ARHGEF10L: variants seen among roughly 807,000 people sequenced by gnomAD.
ARHGEF10L encodes rho guanine nucleotide exchange factor 10-like protein.
Under a neutral mutation model 141.2 loss-of-function variants are expected in ARHGEF10L, and 69 were observed. That is an observed-to-expected ratio of 0.49 (90% CI 0.40 to 0.60). The LOEUF (loss-of-function observed/expected upper bound fraction) is 0.60, where lower values mean the gene tolerates loss of function less well. Ranked by LOEUF, ARHGEF10L falls within the 20% of genes least tolerant of loss-of-function variation. The pLI is 0.00. For missense variants in ARHGEF10L, 1,482 were observed against 1,734.3 expected (o/e 0.85, Z 2.58); for synonymous variants, 711 against 718.5 (o/e 0.99, Z 0.17).
intron 1 of ARHGEF10L, among the ~76,000 whole-genome samples, chr1:17,570,865 G>A (rs2077967260): frequency 6.6e-6 from 1 of 152,124 alleles, no homozygotes; most frequent in Non-Finnish European, 1.5e-5. Context: ...AGACAGAGGT[G>A]TCAAGGATGA....
intron 1 of ARHGEF10L, among the ~76,000 whole-genome samples, chr1:17,562,470 CAT>C (rs2077581105): frequency 6.6e-6 from 1 of 152,094 alleles, no homozygotes; most frequent in South Asian, 2.1e-4. Context: ...ATATCCACCT[CAT>C]AGCGTTGTGA....
the ARHGEF10L span, among the ~76,000 whole-genome samples, chr1:17,515,741 C>T: frequency 1.3e-5 from 2 of 151,872 alleles, no homozygotes; most frequent in Non-Finnish European, 2.9e-5. Context: ...CTCCTGGGCT[C>T]AAGAGATCCT....
chr1:17,618,635 C>G (rs1472506636), intron 9 of ARHGEF10L: 1 of 807,122 alleles, frequency 1.2e-6, no homozygotes, highest in Non-Finnish European at 1.8e-6. Context: ...ACAGCCACCG[C>G]TGGAGTCAGA....
At chr1:17,647,679 A>G (rs2061680351) in intron 21 of ARHGEF10L, among the ~76,000 whole-genome samples, 1 of 152,118 alleles carries the variant, frequency 6.6e-6, no homozygotes. Flanking sequence ...ATGGAAATGG[A>G]CCACGGATGA....
At chr1:17,535,874 G>T (rs2100559538), upstream of ARHGEF10L, among the ~76,000 whole-genome samples, 1 of 152,292 alleles carries the variant, frequency 6.6e-6, no homozygotes, top group Middle Eastern at 3.4e-3. Flanking sequence ...AGGTGCTGGG[G>T]ATACCACCCG....
chr1:17,559,131 GC>G (rs1334682430), intron 1 of ARHGEF10L, among the ~76,000 whole-genome samples: 2 of 152,206 alleles, frequency 1.3e-5, no homozygotes, highest in Non-Finnish European at 2.9e-5. Flanking sequence ...TCTTACTTCT[GC>G]CATTTGTCAG....
At chr1:17,692,914 G>A (rs2065211821) in intron 27 of ARHGEF10L, among the ~76,000 whole-genome samples, 1 of 152,128 alleles carries the variant, frequency 6.6e-6, no homozygotes, top group South Asian at 2.1e-4. Context: ...CTGTCTCCTG[G>A]GCCTTGGCTC....
At chr1:17,597,956 G>T (rs1455246146) in intron 4 of ARHGEF10L, among the ~76,000 whole-genome samples, 2 of 152,194 alleles carry the variant, frequency 1.3e-5, no homozygotes, top group Non-Finnish European at 2.9e-5. Flanking sequence ...TTTCTCTGGT[G>T]TTCTCTTGGT....
chr1:17,640,838 G>T (rs1411329897), intron 21 of ARHGEF10L, among the ~76,000 whole-genome samples: 1 of 152,190 alleles, frequency 6.6e-6, no homozygotes, highest in Non-Finnish European at 1.5e-5. Context: ...TTTTCTTCCT[G>T]TGCACCCCAT....
chr1:17,687,450 A>T (rs1319022494), intron 26 of ARHGEF10L, 123 bp from the exon 27 acceptor site: 1 of 1,096,372 alleles, frequency 9.1e-7, no homozygotes, highest in East Asian at 2.6e-5. Flanking sequence ...TGGGCTTCTA[A>T]TGTTCCCTGA....
In ARHGEF10L at chr1:17,654,142, C is replaced by T. The variant is rs946752266; in HGVS notation, c.2395-494C>T. On this transcript the variant is annotated intron_variant, in intron 22 of 28. Transcript: ENST00000361221. The surrounding 1 kb of genome is among the most constrained non-coding windows in gnomAD (Gnocchi z 4.3). Reference sequence around the variant, plus strand: ...GAGACAGGCCTCAGAGAGAGGCCACCCAACATGGGGTCTGTGGCAGCTGAT... The same window carrying T: ...GAGACAGGCCTCAGAGAGAGGCCACTCAACATGGGGTCTGTGGCAGCTGAT... Among the ~76,000 whole-genome samples the T allele has an allele frequency of 2.8e-4, 43 of 152,196 alleles. No individual in the cohort carries two copies. The highest frequency in any genetic ancestry group is 9.4e-4 in the African/African-American group (39 of 41,448).
chr1:17,650,490 T>G (rs1435672439), intron 22 of ARHGEF10L, among the ~76,000 whole-genome samples: 1 of 151,958 alleles, frequency 6.6e-6, no homozygotes, highest in Non-Finnish European at 1.5e-5. Context: ...CCCAGGATTT[T>G]GGGAGGCCAA....
chr1:17,588,710 C>T (rs1324253901), intron 4 of ARHGEF10L, among the ~76,000 whole-genome samples: 4 of 152,002 alleles, frequency 2.6e-5, no homozygotes, highest in Non-Finnish European at 5.9e-5. Flanking sequence ...GCAGGCCTGG[C>T]TCCAAACCCT....
At position 17,644,199 on chromosome 1, in the gene ARHGEF10L, C is replaced by A. The variant is rs562123471; in HGVS notation, c.2272+3897C>A. ...AGTGAGCCTGAGCGCAGGGCTGGGC[C>A]CTCCCTTGCTGCCTCTCATTTGGTT... is the stretch of plus-strand genomic sequence containing the variant. On this transcript the variant is annotated intron_variant, in intron 21 of 28. Transcript: ENST00000361221. The surrounding 1 kb of genome is among the most constrained non-coding windows in gnomAD (Gnocchi z 4.5). Among the ~76,000 whole-genome samples, 2 of 152,376 alleles carry A rather than the reference C, an allele frequency of 1.3e-5. No individual in the cohort carries two copies. The highest frequency in any genetic ancestry group is 4.1e-4 in the South Asian group (2 of 4,828).
intron 2 of ARHGEF10L, among the ~76,000 whole-genome samples, chr1:17,582,423 C>T (rs1446165616): frequency 6.6e-6 from 1 of 152,244 alleles, no homozygotes; most frequent in African/African-American, 2.4e-5. Flanking sequence ...GTGAACCCAG[C>T]TCTTTGCCAT....
chr1:17,673,429 C>T lies in ARHGEF10L; in HGVS notation c.3009+8834C>T, dbSNP rs1055067167. 1.3e-5 allele frequency among the ~76,000 whole-genome samples: 2 copies of T among 152,176 alleles called. No homozygotes were observed. Among genetic ancestry groups the T allele is most frequent in the African/African-American group, 2.4e-5 (1 of 41,440 alleles). ...ACAAATAGAGCCATGGACATGGATCCGCTGAATGTCAGCTGCTAGGCTGAG... is the reference window on the plus strand; with the variant it reads ...ACAAATAGAGCCATGGACATGGATCTGCTGAATGTCAGCTGCTAGGCTGAG... On this transcript the variant is annotated intron_variant, in intron 26 of 28. Transcript: ENST00000361221. This position sits in a 1 kb window ranked among gnomAD's most constrained non-coding sequence, Gnocchi z 4.1.
chr1:17,593,840 C>T (rs1291345622), intron 4 of ARHGEF10L, among the ~76,000 whole-genome samples: 2 of 151,844 alleles, frequency 1.3e-5, no homozygotes, highest in African/African-American at 4.8e-5. Flanking sequence ...TCGTGGGCAC[C>T]ATTTTGCAGA....
the ARHGEF10L span, among the ~76,000 whole-genome samples, chr1:17,524,364 TA>T: frequency 1.7e-5 from 2 of 116,030 alleles, no homozygotes; most frequent in Admixed American, 9.7e-5. Context: ...ACCCCGTCTC[TA>T]CACACACACA....
At position 17,566,354 on chromosome 1, in the gene ARHGEF10L, A is replaced by G. The variant is rs1315328682; in HGVS notation, c.-43-14199A>G. On this transcript the variant is annotated intron_variant, in intron 1 of 28. Transcript: ENST00000361221. ...TGCCAAATGTCCCTTGGGGGACACAACAGCCCCTGGTTGAGAACCATGGCC... is the reference window on the plus strand; with the variant it reads ...TGCCAAATGTCCCTTGGGGGACACAGCAGCCCCTGGTTGAGAACCATGGCC... 2.6e-5 allele frequency among the ~76,000 whole-genome samples: 4 copies of G among 152,246 alleles called. No homozygotes were observed. The East Asian group carries it at 7.7e-4, about 29-fold the overall frequency.
Sources: gnomAD v4.1 joint callset for allele counts (sites outside exome capture counted in the v4.1 genomes callset) on GRCh38, gnomAD v4.1.1 for gene constraint, Gnocchi (gnomAD v3.1) non-coding constraint, MANE v1.5 for transcripts, NCBI Gene and HGNC (gene_info 2026-07-23, HGNC 2026-07-21) for gene names.